Variants in POMGNT1 observed in about 807,000 individuals in gnomAD.
The protein encoded by POMGNT1 is protein O-linked-mannose beta-1,2-N-acetylglucosaminyltransferase 1.
POMGNT1 carries 67 observed loss-of-function variants against 95.6 expected under a neutral mutation model. That is an observed-to-expected ratio of 0.70 (90% confidence interval 0.58 to 0.86). The LOEUF (loss-of-function observed/expected upper bound fraction) is 0.86, where lower values mean the gene tolerates loss of function less well. Ranked by LOEUF, POMGNT1 falls within the 40% of genes least tolerant of loss-of-function variation. The pLI is 0.00. For synonymous variants in POMGNT1, 298 were observed against 317.9 expected (o/e 0.94, Z 0.66); for missense variants, 719 against 855.2 (o/e 0.84, Z 1.99).
chr1:46,194,695 G>C (rs376830889), intron 7 of POMGNT1, 44 bp from the exon 8 acceptor site: 7 of 1,614,252 alleles, frequency 4.3e-6, no homozygotes, highest in East Asian at 2.2e-5. Context: ...CCAGACACCA[G>C]TTTGGGGGCT....
chr1:46,195,747 G>T, intron 6 of POMGNT1, 64 bp downstream of exon 6: 3 of 1,427,862 alleles, frequency 2.1e-6, no homozygotes, highest in Non-Finnish European at 2.9e-6. Flanking sequence ...GGGCAGAGAA[G>T]CCGGGGCTAG....
chr1:46,197,674 G>A (rs1173591838), intron 2 of POMGNT1, 28 bp downstream of exon 2: 1 of 1,613,856 alleles, frequency 6.2e-7, no homozygotes, highest in African/African-American at 1.3e-5. Flanking sequence ...GGAGCGCTCG[G>A]TGGGGAGGGT....
chr1:46,202,841 C>A (rs552130942), upstream of POMGNT1, among the ~76,000 whole-genome samples: 5 of 139,084 alleles, frequency 3.6e-5, no homozygotes, highest in South Asian at 9.2e-4. Flanking sequence ...GTAAGCCCAA[C>A]GTGGACCTCT....
At chr1:46,215,752 T>C (rs574808521) in intron 1 of POMGNT1, among the ~76,000 whole-genome samples, 10 of 152,108 alleles carry the variant, frequency 6.6e-5, no homozygotes, top group South Asian at 2.1e-4. Flanking sequence ...ATTTAAAAAT[T>C]AGCCAGGTGT....
At chr1:46,194,722 C>T in intron 7 of POMGNT1, 71 bp from the exon 8 acceptor site, 2 of 1,614,126 alleles carry the variant, frequency 1.2e-6, no homozygotes, top group South Asian at 2.2e-5. Flanking sequence ...CATCTCCCTG[C>T]CTACTTTCAT....
chr1:46,203,501 A>G, intron 1 of POMGNT1: 1 of 1,554,484 alleles, frequency 6.4e-7, no homozygotes. Context: ...AGACCCCTGA[A>G]GGGCTGCTCC....
Position 46,192,174 on chromosome 1 carries a change from C to T in POMGNT1, c.1463G>A (p.Arg488Gln), listed in dbSNP as rs766382416. Residue 488 changes from arginine (R) to glutamine (Q), a missense_variant, in exon 17 of 22, where the codon CGA (arginine) becomes CAA (glutamine). Around this residue, in one of 5 missense-constraint regions of POMGNT1, gnomAD observed 118 missense variants for 153.6 expected, o/e 0.77. Transcript: ENST00000371984. ...WMRMPEQRRG[R>Q]ECIIPDVSRS... ...GGAAACGTCAGGGATGATGCACTCT[C>T]GGCCCCGGCGTTGTTCAGGCATCCG... The T allele has an allele frequency of 7.4e-6, 12 of 1,614,076 alleles. No individual in the cohort carries two copies. The highest frequency in any genetic ancestry group is 1.0e-5 in the Non-Finnish European group (12 of 1,180,030).
At chr1:46,220,007 G>A in exon 1 of POMGNT1, 1 of 1,614,246 alleles carries the variant, frequency 6.2e-7, no homozygotes, top group Non-Finnish European at 8.5e-7. Flanking sequence ...GTTCCGAGAT[G>A]GACTGGGCAA....
intron 14 of POMGNT1, 112 bp from the exon 15 acceptor site, chr1:46,192,702 C>G: frequency 6.3e-7 from 1 of 1,599,276 alleles, no homozygotes; most frequent in Admixed American, 1.7e-5. Context: ...CCTGGAGTAC[C>G]TCCTTCCCCC....
intron 1 of POMGNT1, among the ~76,000 whole-genome samples, chr1:46,217,084 A>C (rs989968771): frequency 3.9e-5 from 6 of 152,160 alleles, no homozygotes; most frequent in African/African-American, 1.4e-4. Context: ...CATTCACCCA[A>C]ATGAAGGAGT....
intron 1 of POMGNT1, among the ~76,000 whole-genome samples, chr1:46,205,703 A>G (rs563386550): frequency 1.1e-4 from 16 of 152,300 alleles, no homozygotes; most frequent in African/African-American, 3.8e-4. Flanking sequence ...GAAAGGGCAC[A>G]AGGGAGGGAG....
At chr1:46,219,936 A>G in exon 1 of POMGNT1, 2 of 1,614,268 alleles carry the variant, frequency 1.2e-6, no homozygotes, top group Non-Finnish European at 1.7e-6. Flanking sequence ...CTCTATTGGC[A>G]GCTTCCTGGA....
In POMGNT1 at chr1:46,192,902, G is replaced by GA. The variant is rs775658771; in HGVS notation, c.1208dup (p.Ser404GlnfsTer14). Reference sequence around the variant, plus strand: ...TGAAACCTAGAGACTCCCCTCACCTGAAAAAATCCACAGCAATGTCCAGGT... The same window carrying GA: ...TGAAACCTAGAGACTCCCCTCACCTGAAAAAAATCCACAGCAATGTCCAGGT... On this transcript the variant is annotated frameshift_variant, in exon 14 of 22. Coordinates refer to ENST00000371984, the MANE Select transcript of POMGNT1 (RefSeq NM_017739.4). LOFTEE classifies it high-confidence loss of function. The GA allele has an allele frequency of 6.2e-7, 1 of 1,614,126 alleles. No homozygotes were observed. The highest frequency in any genetic ancestry group is 8.5e-7 in the Non-Finnish European group (1 of 1,180,020).
chr1:46,194,269 C>A lies in POMGNT1; in HGVS notation c.879+5G>T, dbSNP rs386834038. The stretch of plus-strand genomic sequence containing the variant: ...CAAACCTCACTGTCTTAAGGCCCCA[C>A]TCACTGGGTCAGGGCTGAACTCGAT... On this transcript the variant is annotated splice_donor_5th_base_variant and intron_variant, in intron 9 of 21. Transcript: ENST00000371984. The A allele has an allele frequency of 1.9e-6, 3 of 1,614,210 alleles. No homozygotes were observed.
intron 1 of POMGNT1, among the ~76,000 whole-genome samples, chr1:46,219,246 G>A (rs192627420): frequency 2.2e-4 from 33 of 150,502 alleles, no homozygotes; most frequent in African/African-American, 7.3e-4. Context: ...GGTGAGCTGA[G>A]ATCGCGCCAT....
chr1:46,190,706 C>T lies in POMGNT1; in HGVS notation c.1604+14G>A, dbSNP rs746108694. 7 of 1,610,208 alleles carry T rather than the reference C, an allele frequency of 4.3e-6. No individual in the cohort carries two copies. In the African/African-American group the frequency reaches 9.4e-5, roughly 22 times the overall value. On this transcript the variant is annotated intron_variant, in intron 18 of 21. Transcript: ENST00000371984. Reference sequence around the variant, plus strand: ...TCCTAGATATCCACCCCTTGCCCTGCTGCCAGCCCCAACCTGTCCACATTC... The same window carrying T: ...TCCTAGATATCCACCCCTTGCCCTGTTGCCAGCCCCAACCTGTCCACATTC...
intron 1 of POMGNT1, among the ~76,000 whole-genome samples, chr1:46,219,492 G>T (rs1659165895): frequency 6.6e-6 from 1 of 152,166 alleles, no homozygotes; most frequent in Non-Finnish European, 1.5e-5. Context: ...AGAGACTGAG[G>T]CTCAAAGAAG....
intron 1 of POMGNT1, among the ~76,000 whole-genome samples, chr1:46,214,165 A>G (rs1658988077): frequency 6.6e-6 from 1 of 152,016 alleles, no homozygotes; most frequent in Admixed American, 6.6e-5. Flanking sequence ...GGCCAACATG[A>G]TGAAACCCCA....
intron 1 of POMGNT1, among the ~76,000 whole-genome samples, chr1:46,210,268 G>A (rs1343820187): frequency 3.3e-5 from 5 of 152,092 alleles, no homozygotes; most frequent in Non-Finnish European, 2.9e-5. Context: ...CCTAAACTGT[G>A]TGTGTGTGTT....
Sources: gnomAD v4.1 joint callset for allele counts (sites outside exome capture counted in the v4.1 genomes callset) on GRCh38, gnomAD v4.1.1 for gene constraint, gnomAD v4.1.1 regional missense constraint, MANE v1.5 for transcripts, NCBI Gene and HGNC (gene_info 2026-07-23, HGNC 2026-07-21) for gene names.